DCAF8L2: variants seen among roughly 807,000 people sequenced by gnomAD.
DCAF8L2 encodes DDB1- and CUL4-associated factor 8-like protein 2.
For synonymous variants in DCAF8L2, 200 were observed against 190.9 expected, an observed-to-expected ratio of 1.05 and a Z score of -0.39; for missense variants, 430 against 490.7, an observed-to-expected ratio of 0.88 and a Z score of 1.17.
At chrX:27,649,139 T>C (rs904287558) in intron 2 of DCAF8L2, among the ~76,000 whole-genome samples, 3 of 112,300 alleles carry the variant, frequency 2.7e-5, no homozygotes, top group African/African-American at 9.7e-5. Flanking sequence ...GATTTTATTC[T>C]TTTTTTGTGG....
intron 2 of DCAF8L2, among the ~76,000 whole-genome samples, chrX:27,666,128 G>A (rs5971209): frequency 2.7e-5 from 3 of 111,018 alleles, no homozygotes; most frequent in African/African-American, 9.9e-5. Flanking sequence ...GTGTTCTGAC[G>A]TTAATTTCCT....
intron 1 of DCAF8L2, among the ~76,000 whole-genome samples, chrX:27,605,906 G>A (rs1427081088): frequency 1.8e-5 from 2 of 110,628 alleles, no homozygotes; most frequent in South Asian, 3.8e-4. Context: ...ACAGTCCCAG[G>A]GGTCTGAGGT....
chrX:27,682,896 C>A (rs887119449), intron 3 of DCAF8L2, among the ~76,000 whole-genome samples: 2 of 110,493 alleles, frequency 1.8e-5, no homozygotes, highest in Non-Finnish European at 3.8e-5. Flanking sequence ...TGAGTTGGGT[C>A]ACTGCTCCAT....
chrX:27,650,534 T>A (rs1432278985), intron 2 of DCAF8L2, among the ~76,000 whole-genome samples: 1 of 112,144 alleles, frequency 8.9e-6, no homozygotes, highest in East Asian at 2.8e-4. Flanking sequence ...GATGTATTGC[T>A]AGGTATTTTA....
the DCAF8L2 span, among the ~76,000 whole-genome samples, chrX:27,534,134 C>G: frequency 1.8e-5 from 2 of 110,034 alleles, no homozygotes; most frequent in African/African-American, 6.6e-5. Flanking sequence ...TCACTTGAGC[C>G]CTGGAGGTGG....
chrX:27,569,448 G>T, the DCAF8L2 span, among the ~76,000 whole-genome samples: 1 of 111,683 alleles, frequency 9.0e-6, no homozygotes, highest in African/African-American at 3.2e-5. Context: ...CAAGAATCCA[G>T]ATTTTCAATA....
the DCAF8L2 span, among the ~76,000 whole-genome samples, chrX:27,566,079 C>G: frequency 2.7e-5 from 3 of 110,245 alleles, no homozygotes; most frequent in Non-Finnish European, 5.7e-5. Flanking sequence ...TGTACAACTC[C>G]TCTTATCTGT....
chrX:27,533,180 A>AGAGAGAGAGAG, the DCAF8L2 span, among the ~76,000 whole-genome samples: 100 of 18,523 alleles, frequency 5.4e-3, 5 homozygotes, highest in East Asian at 0.02. Flanking sequence ...GAAAGAAAGA[A>AGAGAGAGAGAG]AGAAAGAAAG....
At chrX:27,737,079 T>TTAACA (rs1921565840) in intron 4 of DCAF8L2, among the ~76,000 whole-genome samples, 1 of 111,931 alleles carries the variant, frequency 8.9e-6, no homozygotes, top group Non-Finnish European at 1.9e-5. Flanking sequence ...ATGTATTGGG[T>TTAACA]TGATTATTGT....
At chrX:27,677,068 A>C (rs1411555845) in intron 2 of DCAF8L2, 7 of 111,805 alleles carry the variant, frequency 6.3e-5, no homozygotes. Context: ...TAATTCGAAA[A>C]ACCCTGTTGA....
chrX:27,519,561 C>T, the DCAF8L2 span: 56 of 699,389 alleles, frequency 8.0e-5, no homozygotes, highest in Non-Finnish European at 1.3e-4. Flanking sequence ...TGTCTACCCT[C>T]TCTCCACCTC....
At chrX:27,470,030 AG>A in the DCAF8L2 span, among the ~76,000 whole-genome samples, 1 of 111,515 alleles carries the variant, frequency 9.0e-6, no homozygotes, top group Non-Finnish European at 1.9e-5. Context: ...GGCTTCCCAA[AG>A]TGCTGGGATT....
chrX:27,748,493 T>C lies in DCAF8L2; in HGVS notation c.1598T>C (p.Leu533Pro), dbSNP rs752945235. 1 of 1,208,390 alleles carries C rather than the reference T, an allele frequency of 8.3e-7. No individual in the cohort carries two copies. Among genetic ancestry groups the C allele is most frequent in the East Asian group, 3.0e-5 (1 of 33,727 alleles). ...CTACCTGTGTTGGCGTGCAGTGGCC[T>C]AGATCATGATGTCAAGATCTGGACA... ...PYLPVLACSG[L>P]DHDVKIWTPT... The change falls in exon 5 of 5, where the codon CTA becomes CCA. Residue 533 changes from leucine (L) to proline (P), a missense_variant. By Grantham distance (98) the Leu-to-Pro change is moderately conservative. Coordinates refer to ENST00000451261, the MANE Select transcript of DCAF8L2 (RefSeq NM_001353450.2).
At chrX:27,724,364 A>C (rs1232856786) in intron 4 of DCAF8L2, among the ~76,000 whole-genome samples, 1 of 111,149 alleles carries the variant, frequency 9.0e-6, no homozygotes, top group Non-Finnish European at 1.9e-5. Context: ...CTCAACTATA[A>C]GACAAAAAAC....
At chrX:27,595,681 G>T (rs1412813978) in intron 1 of DCAF8L2, among the ~76,000 whole-genome samples, 1 of 111,967 alleles carries the variant, frequency 8.9e-6, no homozygotes, top group Admixed American at 9.5e-5. Flanking sequence ...TTAGTTCAGG[G>T]TTGTAGCCTC....
At chrX:27,636,281 A>G (rs189649372) in intron 2 of DCAF8L2, among the ~76,000 whole-genome samples, 256 of 112,114 alleles carry the variant, frequency 2.3e-3, no homozygotes, top group African/African-American at 6.1e-3. Flanking sequence ...TAGAATCAAC[A>G]TATTCCTCTG....
chrX:27,696,177 G>A (rs1399710226), intron 3 of DCAF8L2, among the ~76,000 whole-genome samples: 1 of 103,179 alleles, frequency 9.7e-6, no homozygotes, highest in Non-Finnish European at 2.0e-5. Context: ...GCAGCCTGAG[G>A]GACAGAGTTA....
chrX:27,552,308 C>T, the DCAF8L2 span, among the ~76,000 whole-genome samples: 1 of 111,182 alleles, frequency 9.0e-6, no homozygotes, highest in Non-Finnish European at 1.9e-5. Flanking sequence ...TTGATGTAAT[C>T]TCATTTGTCT....
At chrX:27,742,486 T>C (rs1921909685) in intron 4 of DCAF8L2, among the ~76,000 whole-genome samples, 1 of 109,178 alleles carries the variant, frequency 9.2e-6, no homozygotes, top group Non-Finnish European at 1.9e-5. Flanking sequence ...GGAGAATCGC[T>C]TGAACCCGGG....
Sources: gnomAD v4.1 joint callset for allele counts (sites outside exome capture counted in the v4.1 genomes callset) on GRCh38, gnomAD v4.1.1 for gene constraint, MANE v1.5 for transcripts, NCBI Gene and HGNC (gene_info 2026-07-23, HGNC 2026-07-21) for gene names.